The following HPCAL4 variants were observed in gnomAD, a reference collection of about 807,000 sequenced individuals.
HPCAL4 encodes the protein hippocalcin like 4.
A neutral mutation model predicts 18.2 loss-of-function variants in HPCAL4; 16 were observed. The observed-to-expected ratio is 0.88, with a 90% CI of 0.59 to 1.33. The LOEUF is 1.33. Among genes scored for constraint, HPCAL4 ranks in the 40% most tolerant of loss-of-function variants. HPCAL4 has a pLI of 0.00. For missense variants in HPCAL4, 214 were observed against 256.6 expected (o/e 0.83, Z 1.14); for synonymous variants, 80 against 97.5 (o/e 0.82, Z 1.06).
chr1:39,682,754 G>A (rs765472745), intron 3 of HPCAL4, 21 bp from the exon 4 acceptor site: 3 of 1,612,012 alleles, frequency 1.9e-6, no homozygotes, highest in Non-Finnish European at 2.5e-6. Flanking sequence ...AAGGAGGAGG[G>A]AGGTGTGAAC....
intron 1 of HPCAL4, among the ~76,000 whole-genome samples, chr1:39,684,994 G>T (rs1570475228): frequency 6.6e-6 from 1 of 152,184 alleles, no homozygotes; most frequent in African/African-American, 2.4e-5. Context: ...GTCCTGAGAA[G>T]GGACCCAAGG....
intron 2 of HPCAL4, 134 bp downstream of exon 2, chr1:39,684,308 G>C: frequency 2.1e-6 from 2 of 933,902 alleles, no homozygotes; most frequent in South Asian, 3.8e-5. Context: ...CGCACCCCGG[G>C]TGCCTCGCCT....
Position 39,682,525 on chromosome 1 carries a change from C to CTGGCT in HPCAL4, c.*10_*11insAGCCA, listed in dbSNP as rs1557752659. On this transcript the variant is annotated 3_prime_UTR_variant, in exon 4 of 4. Transcript: ENST00000372844. ...CCCCTTCTGGCCAGGGACCCTGCCC[C>CTGGCT]TCACCAGCTTCTACTTCTGCATGTC... 2 of 1,614,094 alleles carry CTGGCT rather than the reference C, an allele frequency of 1.2e-6. No homozygotes were observed. The highest frequency in any genetic ancestry group is 1.7e-6 in the Non-Finnish European group (2 of 1,179,978).
chr1:39,690,139 C>T (rs1389935297), intron 1 of HPCAL4, among the ~76,000 whole-genome samples: 2 of 152,096 alleles, frequency 1.3e-5, no homozygotes, highest in South Asian at 2.1e-4. Flanking sequence ...AAACCAACCC[C>T]GCCCCCCTCA....
chr1:39,690,152 TCTC>T (rs1281950304), intron 1 of HPCAL4, among the ~76,000 whole-genome samples: 1 of 151,994 alleles, frequency 6.6e-6, no homozygotes, highest in Non-Finnish European at 1.5e-5. Flanking sequence ...CCCCCTCAGG[TCTC>T]CTCTCTTTAA....
intron 1 of HPCAL4, among the ~76,000 whole-genome samples, chr1:39,685,807 G>A (rs1345775200): frequency 6.6e-6 from 1 of 151,280 alleles, no homozygotes; most frequent in Non-Finnish European, 1.5e-5. Flanking sequence ...GTCAACCCAG[G>A]AGGGAGAGCA....
At chr1:39,690,405 C>T (rs1440900156) in intron 1 of HPCAL4, among the ~76,000 whole-genome samples, 2 of 152,194 alleles carry the variant, frequency 1.3e-5, no homozygotes, top group African/African-American at 4.8e-5. Context: ...AAGAGCAATA[C>T]AGCCCACATG....
chr1:39,682,419 G>C lies in HPCAL4; in HGVS notation c.*117C>G, dbSNP rs950438933. The C allele has an allele frequency of 2.3e-6, 2 of 876,396 alleles. No individual in the cohort carries two copies. The highest frequency in any genetic ancestry group is 5.1e-5 in the East Asian group (2 of 39,130). The allele number at this position is 876,396 out of a possible 1,614,324, so 54.3% of individuals were successfully genotyped here. On this transcript the variant is annotated 3_prime_UTR_variant, in exon 4 of 4. Coordinates refer to ENST00000372844, the MANE Select transcript of HPCAL4 (RefSeq NM_016257.4). Reference sequence around the variant, plus strand: ...GAGGAAGGGCTTGGGCAGAGGACTGGGTGGGCCAGAGAGGGGGGCTGGAGT... The same window carrying C: ...GAGGAAGGGCTTGGGCAGAGGACTGCGTGGGCCAGAGAGGGGGGCTGGAGT...
rs1062103 is a variant in HPCAL4, at chr1:39,678,814, A to C, written c.*3722T>G. On this transcript the variant is annotated 3_prime_UTR_variant, in exon 4 of 4. Coordinates refer to ENST00000372844, the MANE Select transcript of HPCAL4 (RefSeq NM_016257.4). The stretch of plus-strand genomic sequence containing the variant: ...CCTTCCCCTGCTACCCAGACCCCCC[A>C]CTTCCCCAAGCCTCCTTTCTACTGC... The C allele has an allele frequency of 0.47, 71,286 of 151,670 alleles. 16,896 individuals are homozygous for C. The highest frequency in any genetic ancestry group is 0.55 in the Admixed American group (8,461 of 15,246). 9.4% of individuals were successfully genotyped at this position (151,670 alleles called of 1,614,324 possible).
In HPCAL4 at chr1:39,691,310, G is replaced by C. The variant is rs1646716349; in HGVS notation, c.-13C>G. 6.6e-6 allele frequency: 1 copy of C among 152,256 alleles called. No homozygotes were observed. The highest frequency in any genetic ancestry group is 2.4e-5 in the African/African-American group (1 of 41,452). The allele number at this position is 152,256 out of a possible 1,614,324, so 9.4% of individuals were successfully genotyped here. On this transcript the variant is annotated 5_prime_UTR_variant, in exon 1 of 4. Coordinates refer to ENST00000372844, the MANE Select transcript of HPCAL4 (RefSeq NM_016257.4). Reference sequence around the variant, plus strand: ...ACCCGGTCCCACTCGCATTACCTGAGGCCGGTCGCCGGGTCGCTGGATGGC... The same window carrying C: ...ACCCGGTCCCACTCGCATTACCTGACGCCGGTCGCCGGGTCGCTGGATGGC...
rs576630491 is a variant in HPCAL4, at chr1:39,685,717, C to A, written c.-8-1106G>T. ...ACACGGTGAAACCCTGTCTCTACTA[C>A]AAATACAAAAAAATTAGCTGGGCGT... On this transcript the variant is annotated intron_variant, in intron 1 of 3. Coordinates refer to ENST00000372844, the MANE Select transcript of HPCAL4 (RefSeq NM_016257.4). Among the ~76,000 whole-genome samples, 1,042 of 150,568 alleles carry A rather than the reference C, an allele frequency of 6.9e-3. 6 individuals are homozygous for A. Among genetic ancestry groups the A allele is most frequent in the East Asian group, 8.6e-3 (44 of 5,108 alleles).
At chr1:39,684,729 TC>T in intron 1 of HPCAL4, 118 bp from the exon 2 acceptor site, 1 of 790,038 alleles carries the variant, frequency 1.3e-6, no homozygotes, top group Non-Finnish European at 1.9e-6. Flanking sequence ...CTCATGACAC[TC>T]CCCCATAATG....
rs576538111 is a variant in HPCAL4, at chr1:39,681,339, G to T, written c.*1197C>A. On this transcript the variant is annotated 3_prime_UTR_variant, in exon 4 of 4. Coordinates refer to ENST00000372844, the MANE Select transcript of HPCAL4 (RefSeq NM_016257.4). ...CTCTTTCTGATTCTGTGGCAGTGAAGGAACAAGTCCAGTTCTGAAACTAAA... is the reference window on the plus strand; with the variant it reads ...CTCTTTCTGATTCTGTGGCAGTGAATGAACAAGTCCAGTTCTGAAACTAAA... The T allele has an allele frequency of 6.6e-6, 1 of 152,186 alleles. No homozygotes were observed. The highest frequency in any genetic ancestry group is 1.5e-5 in the Non-Finnish European group (1 of 68,032). 9.4% of individuals were successfully genotyped at this position (152,186 alleles called of 1,614,324 possible). A position where few individuals can be genotyped will look rare whatever the true frequency, so the allele number is the denominator to read the frequency against.
intron 3 of HPCAL4, among the ~76,000 whole-genome samples, chr1:39,683,567 A>G (rs1255541253): frequency 6.6e-6 from 1 of 152,164 alleles, no homozygotes; most frequent in Non-Finnish European, 1.5e-5. Flanking sequence ...GTCTTCATTC[A>G]TTTATTTTTT....
Position 39,682,665 on chromosome 1 carries a change from C to G in HPCAL4, c.447G>C (p.Gln149His). The change falls in exon 4 of 4, where the codon CAG becomes CAC. Residue 149 changes from glutamine (Q) to histidine (H), a missense_variant. By Grantham distance (24) the Gln-to-His change is conservative. Transcript: ENST00000372844. ...TCTTCTTGAAGATCTTGTCCACACG[C>G]TGCTGGGGCGTGAGCCCGTCCTGGT... The part of the protein sequence containing the change: ...RMNQDGLTPQ[Q>H]RVDKIFKKMD... 1 of 1,614,262 alleles carries G rather than the reference C, an allele frequency of 6.2e-7. No homozygotes were observed. Among genetic ancestry groups the G allele is most frequent in the Non-Finnish European group, 8.5e-7 (1 of 1,180,050 alleles).
At chr1:39,685,444 T>A (rs566602052) in intron 1 of HPCAL4, among the ~76,000 whole-genome samples, 1 of 152,208 alleles carries the variant, frequency 6.6e-6, no homozygotes, top group South Asian at 2.1e-4. Flanking sequence ...TGTTTTAAAA[T>A]TTTTCCAGGC....
chr1:39,684,110 A>G lies in HPCAL4; in HGVS notation c.205T>C (p.Phe69Leu). 1 of 1,613,846 alleles carries G rather than the reference A, an allele frequency of 6.2e-7. No individual in the cohort carries two copies. The highest frequency in any genetic ancestry group is 8.5e-7 in the Non-Finnish European group (1 of 1,179,856). The change falls in exon 3 of 4, where the codon TTC becomes CTC. Residue 69 changes from phenylalanine to leucine, a missense_variant. Phe to Leu is a conservative substitution (Grantham distance 22). Coordinates refer to ENST00000372844, the MANE Select transcript of HPCAL4 (RefSeq NM_016257.4). Reference sequence around the variant, plus strand: ...TCGCCGTTCTTGTCGAAGGTGCGGAAAGCGTGCTGCGCGAACTTGGAGGCG... The same window carrying G: ...TCGCCGTTCTTGTCGAAGGTGCGGAGAGCGTGCTGCGCGAACTTGGAGGCG... ...GDASKFAQHA[F>L]RTFDKNGDGT... is the part of the protein sequence containing the mutation.
chr1:39,690,655 G>A (rs1243386072), intron 1 of HPCAL4, among the ~76,000 whole-genome samples: 1 of 152,050 alleles, frequency 6.6e-6, no homozygotes, highest in African/African-American at 2.4e-5. Flanking sequence ...GCCAAATATG[G>A]GGCCTCTGCC....
chr1:39,686,007 C>A (rs1646671505), intron 1 of HPCAL4, among the ~76,000 whole-genome samples: 1 of 151,348 alleles, frequency 6.6e-6, no homozygotes, highest in East Asian at 1.9e-4. Flanking sequence ...CAGTGAAACC[C>A]CATCTCTACT....
Sources: gnomAD v4.1 joint callset for allele counts (sites outside exome capture counted in the v4.1 genomes callset) on GRCh38, gnomAD v4.1.1 for gene constraint, MANE v1.5 for transcripts, NCBI Gene and HGNC (gene_info 2026-07-23, HGNC 2026-07-21) for gene names.